The following ZC3H12B variants were observed in gnomAD, a reference collection of about 807,000 sequenced individuals.
ZC3H12B encodes zinc finger CCCH-type containing 12B.
ZC3H12B carries 7 observed loss-of-function variants against 43.9 expected under a neutral mutation model. The ratio of observed to expected loss-of-function variants is 0.16; its 90% CI spans 0.09 to 0.30. ZC3H12B has a LOEUF of 0.30. Among genes scored for constraint, ZC3H12B ranks in the 10% least tolerant of loss-of-function variants. ZC3H12B has a pLI of 1.00. For synonymous variants in ZC3H12B, 222 were observed against 241.7 expected (o/e 0.92, Z 0.76); for missense variants, 475 against 670.2 (o/e 0.71, Z 3.22).
At chrX:65,185,896 A>G in the ZC3H12B span, 6 of 111,686 alleles carry the variant, frequency 5.4e-5, 1 homozygote, top group Non-Finnish European at 3.8e-5. Flanking sequence ...GTAAGATGCC[A>G]ACAGAGCAAT....
At chrX:65,169,280 T>G in the ZC3H12B span, among the ~76,000 whole-genome samples, 1 of 112,241 alleles carries the variant, frequency 8.9e-6, no homozygotes, top group South Asian at 3.7e-4. Context: ...TCTGCCTTCA[T>G]TTGATTATGT....
chrX:65,051,332 C>T, the ZC3H12B span, among the ~76,000 whole-genome samples: 1 of 111,011 alleles, frequency 9.0e-6, no homozygotes, highest in Non-Finnish European at 1.9e-5. Context: ...TTTTTCTTCT[C>T]TGTGTATTTC....
chrX:65,075,087 A>G, the ZC3H12B span, among the ~76,000 whole-genome samples: 1 of 112,233 alleles, frequency 8.9e-6, no homozygotes, highest in East Asian at 2.8e-4. Context: ...TTGTGCAAGG[A>G]AAGACCTTCA....
intron 3 of ZC3H12B, among the ~76,000 whole-genome samples, chrX:65,459,220 T>A (rs1239356225): frequency 8.9e-6 from 1 of 111,754 alleles, no homozygotes; most frequent in Non-Finnish European, 1.9e-5. Context: ...AATTAATAGC[T>A]TACCAACCGA....
chrX:65,280,012 CA>C, the ZC3H12B span, among the ~76,000 whole-genome samples: 1 of 112,046 alleles, frequency 8.9e-6, no homozygotes, highest in Non-Finnish European at 1.9e-5. Context: ...GAAAATATTC[CA>C]AAAAACTGAA....
chrX:65,289,615 A>G, the ZC3H12B span, among the ~76,000 whole-genome samples: 1 of 110,111 alleles, frequency 9.1e-6, no homozygotes, highest in Non-Finnish European at 1.9e-5. Context: ...TATAGTAACC[A>G]AAACAGCATG....
the ZC3H12B span, among the ~76,000 whole-genome samples, chrX:65,213,542 G>T: frequency 9.0e-6 from 1 of 110,792 alleles, no homozygotes. Context: ...TTGAATGTTT[G>T]TCCCCTCCAA....
At chrX:65,468,477 C>A (rs1387279735) in intron 3 of ZC3H12B, among the ~76,000 whole-genome samples, 3 of 94,802 alleles carry the variant, frequency 3.2e-5, no homozygotes, top group African/African-American at 1.5e-4. Context: ...ATTGTTTATT[C>A]TTTCTTTCTT....
intron 3 of ZC3H12B, among the ~76,000 whole-genome samples, chrX:65,441,061 T>G (rs1182615226): frequency 3.6e-5 from 4 of 112,360 alleles, no homozygotes; most frequent in African/African-American, 1.3e-4. Flanking sequence ...CCTTGCAAAT[T>G]TTTTTCTAGT....
the ZC3H12B span, among the ~76,000 whole-genome samples, chrX:65,345,693 A>T: frequency 8.9e-6 from 1 of 111,799 alleles, no homozygotes; most frequent in Non-Finnish European, 1.9e-5. Context: ...TGACCTTAAA[A>T]TAAAAAATAA....
At chrX:65,449,173 G>A (rs1233106384) in intron 3 of ZC3H12B, among the ~76,000 whole-genome samples, 1 of 110,775 alleles carries the variant, frequency 9.0e-6, no homozygotes, top group Non-Finnish European at 1.9e-5. Context: ...GTGAGGAGAG[G>A]GAGAGCATCA....
At chrX:65,258,695 A>G in the ZC3H12B span, among the ~76,000 whole-genome samples, 9 of 111,838 alleles carry the variant, frequency 8.0e-5, no homozygotes, top group Non-Finnish European at 1.5e-4. Flanking sequence ...AATCTCTTCA[A>G]TCTTATAAAC....
At chrX:65,377,153 A>C (rs914847487) in intron 2 of ZC3H12B, among the ~76,000 whole-genome samples, 1 of 108,859 alleles carries the variant, frequency 9.2e-6, no homozygotes, top group Non-Finnish European at 1.9e-5. Flanking sequence ...TTTTAATAGA[A>C]CTAATCAAGC....
chrX:65,289,367 G>A, the ZC3H12B span, among the ~76,000 whole-genome samples: 2 of 109,684 alleles, frequency 1.8e-5, no homozygotes, highest in Admixed American at 9.8e-5. Flanking sequence ...AGGAGGGCGA[G>A]GGTTGAACAA....
the ZC3H12B span, among the ~76,000 whole-genome samples, chrX:65,202,867 G>A: frequency 1.8e-5 from 2 of 111,587 alleles, no homozygotes; most frequent in Non-Finnish European, 3.8e-5. Flanking sequence ...AAGGTCTAGA[G>A]CTGTAGTCCA....
At chrX:65,283,623 A>G in the ZC3H12B span, among the ~76,000 whole-genome samples, 1 of 112,201 alleles carries the variant, frequency 8.9e-6, no homozygotes, top group Non-Finnish European at 1.9e-5. Context: ...GACTTCAGCA[A>G]AGTCTCAGGA....
the ZC3H12B span, among the ~76,000 whole-genome samples, chrX:65,285,212 C>A: frequency 1.9e-4 from 21 of 109,903 alleles, no homozygotes; most frequent in African/African-American, 6.3e-4. Flanking sequence ...TTTTGGTACA[C>A]CCTTCACTTG....
At chrX:65,334,477 T>G in the ZC3H12B span, among the ~76,000 whole-genome samples, 2 of 112,295 alleles carry the variant, frequency 1.8e-5, no homozygotes, top group Non-Finnish European at 3.8e-5. Flanking sequence ...ATCTTGCATG[T>G]AAAATTGTTT....
At chrX:65,246,224 T>A in the ZC3H12B span, among the ~76,000 whole-genome samples, 74 of 110,039 alleles carry the variant, frequency 6.7e-4, no homozygotes, top group African/African-American at 2.1e-3. Flanking sequence ...AAGGTCTCTA[T>A]GGGAGAACCA....
Sources: allele counts gnomAD v4.1 joint callset (sites outside exome capture counted in the v4.1 genomes callset), GRCh38; gene constraint gnomAD v4.1.1; transcripts MANE v1.5; gene names NCBI Gene and HGNC (gene_info 2026-07-23, HGNC 2026-07-21).